Variants in SORCS2 observed in about 807,000 individuals in gnomAD.
SORCS2 encodes the protein VPS10 domain-containing receptor SorCS2.
A neutral mutation model predicts 141.6 loss-of-function variants in SORCS2; 100 were observed. That is an observed-to-expected ratio of 0.71 (90% CI 0.60 to 0.83). SORCS2 has a LOEUF of 0.83. SORCS2 is among the 40% of genes least tolerant of loss of function. The pLI, the probability that SORCS2 is intolerant of heterozygous loss-of-function variation, is 0.00. For missense variants in SORCS2, 1,646 were observed against 1,560.2 expected, an observed-to-expected ratio of 1.05 and a Z score of -0.93; for synonymous variants, 789 against 676.9, an observed-to-expected ratio of 1.17 and a Z score of -2.57.
intron 2 of SORCS2, among the ~76,000 whole-genome samples, chr4:7,400,515 G>A (rs146150461): frequency 7.6e-4 from 116 of 152,162 alleles, no homozygotes; most frequent in African/African-American, 2.7e-3. Flanking sequence ...TTGAGGATGC[G>A]AGGATGGAGA....
At chr4:7,422,740 G>A (rs956749677) in intron 2 of SORCS2, among the ~76,000 whole-genome samples, 7 of 152,040 alleles carry the variant, frequency 4.6e-5, no homozygotes, top group African/African-American at 1.7e-4. Context: ...GCCGTCTCTC[G>A]CCTGGACGCC....
chr4:7,721,432 C>A (rs1019862399), intron 18 of SORCS2, among the ~76,000 whole-genome samples: 5 of 152,256 alleles, frequency 3.3e-5, no homozygotes, highest in African/African-American at 1.2e-4. Context: ...CACCACTGTA[C>A]TCCAGCCTGG....
rs533140452 is a variant in SORCS2 at position 7,705,161 on chromosome 4, G to T, written c.1868+877G>T. 5.3e-5 allele frequency among the ~76,000 whole-genome samples: 8 copies of T among 152,306 alleles called. No homozygotes were observed. In the East Asian group the frequency reaches 1.5e-3, roughly 29 times the overall value. The stretch of plus-strand genomic sequence containing the variant: ...CTTACAAGAGGACACAGAGACACAG[G>T]CCTTGGGGGAGGAGGCCGGGGAGGG... On this transcript the variant is annotated intron_variant, in intron 14 of 26. Coordinates refer to ENST00000507866, the MANE Select transcript of SORCS2 (RefSeq NM_020777.3).
chr4:7,381,496 T>C (rs987143516), intron 1 of SORCS2, among the ~76,000 whole-genome samples: 1 of 152,172 alleles, frequency 6.6e-6, no homozygotes, highest in African/African-American at 2.4e-5. Flanking sequence ...GAAGCCCAGT[T>C]TCCCAAAGGC....
At chr4:7,635,289 C>A (rs950564430) in intron 3 of SORCS2, among the ~76,000 whole-genome samples, 3 of 152,146 alleles carry the variant, frequency 2.0e-5, no homozygotes, top group Non-Finnish European at 4.4e-5. Context: ...TCGGCTCTAT[C>A]CTGACCATCC....
At chr4:7,726,676 A>C in intron 20 of SORCS2, 104 bp from the exon 21 acceptor site, 8 of 1,467,622 alleles carry the variant, frequency 5.5e-6, no homozygotes, top group Non-Finnish European at 7.3e-6. Context: ...TGATGGGAAC[A>C]AGGGGACAGC....
intron 1 of SORCS2, among the ~76,000 whole-genome samples, chr4:7,215,228 A>C (rs1728262307): frequency 6.6e-6 from 1 of 152,120 alleles, no homozygotes; most frequent in Non-Finnish European, 1.5e-5. Flanking sequence ...TCCGAGCAGC[A>C]GGCCGGCCCT....
chr4:7,604,586 G>T (rs575464634), intron 3 of SORCS2, among the ~76,000 whole-genome samples: 1 of 152,142 alleles, frequency 6.6e-6, no homozygotes, highest in Non-Finnish European at 1.5e-5. Flanking sequence ...GGCATGAGCC[G>T]CCGCGCCCGG....
At chr4:7,586,585 T>C (rs1577795743) in intron 3 of SORCS2, among the ~76,000 whole-genome samples, 1 of 152,170 alleles carries the variant, frequency 6.6e-6, no homozygotes. Flanking sequence ...TGGTGTTTGG[T>C]TTTTCTGTTC....
chr4:7,540,681 A>C (rs1048855003), intron 3 of SORCS2, among the ~76,000 whole-genome samples: 3 of 152,152 alleles, frequency 2.0e-5, no homozygotes, highest in African/African-American at 7.2e-5. Flanking sequence ...ACATCTGATG[A>C]AGAGAGTCAT....
chr4:7,601,378 T>A (rs1717654557), intron 3 of SORCS2, among the ~76,000 whole-genome samples: 1 of 152,086 alleles, frequency 6.6e-6, no homozygotes, highest in African/African-American at 2.4e-5. Flanking sequence ...TAAACATTTG[T>A]AGAACTCTTT....
Position 7,416,893 on chromosome 4 carries a change from C to A in SORCS2, c.548+20538C>A, listed in dbSNP as rs1432039140. Among the ~76,000 whole-genome samples the A allele has an allele frequency of 2.0e-5, 3 of 150,354 alleles. No individual in the cohort carries two copies. In the South Asian group the frequency reaches 6.2e-4, roughly 31 times the overall value. On this transcript the variant is annotated intron_variant, in intron 2 of 26. Transcript: ENST00000507866. ...ATGCTCAGACACACACATATGCATGCACACACACGTGTGCAGACACACTGA... is the reference window on the plus strand; with the variant it reads ...ATGCTCAGACACACACATATGCATGAACACACACGTGTGCAGACACACTGA...
chr4:7,284,497 G>A (rs1716083865), intron 1 of SORCS2, among the ~76,000 whole-genome samples: 1 of 152,232 alleles, frequency 6.6e-6, no homozygotes, highest in Non-Finnish European at 1.5e-5. Flanking sequence ...CTTTCTCGCT[G>A]TGCAGACCTC....
chr4:7,675,880 G>A (rs913520142), intron 8 of SORCS2, among the ~76,000 whole-genome samples, 170 bp from the exon 9 acceptor site: 3 of 152,176 alleles, frequency 2.0e-5, no homozygotes, highest in Admixed American at 6.5e-5. Flanking sequence ...GGAGACTTGT[G>A]CAAGGCCACA....
At chr4:7,620,174 T>TA (rs1202022553) in intron 3 of SORCS2, among the ~76,000 whole-genome samples, 1 of 152,172 alleles carries the variant, frequency 6.6e-6, no homozygotes, top group Non-Finnish European at 1.5e-5. Flanking sequence ...AGCAGAATGA[T>TA]ACGGGATTCT....
At chr4:7,281,814 G>C (rs1274819334) in intron 1 of SORCS2, among the ~76,000 whole-genome samples, 1 of 152,144 alleles carries the variant, frequency 6.6e-6, no homozygotes, top group African/African-American at 2.4e-5. Flanking sequence ...GGCCTCTGAA[G>C]TTTCAGTGCC....
At position 7,741,848 on chromosome 4, in the gene SORCS2, A is replaced by AG. The variant is rs3839181; in HGVS notation, c.*1588dup. The AG allele has an allele frequency of 0.27, 41,601 of 152,080 alleles. 6,016 individuals carry two copies. The highest frequency in any genetic ancestry group is 0.36 in the African/African-American group (14,873 of 41,434). 9.4% of individuals were successfully genotyped at this position (152,080 alleles called of 1,614,324 possible). A position where few individuals can be genotyped will look rare whatever the true frequency, so the allele number is the denominator to read the frequency against. On this transcript the variant is annotated 3_prime_UTR_variant, in exon 27 of 27. Transcript: ENST00000507866. Reference sequence around the variant, plus strand: ...CTGGAAAAGAAACATGGTCCATTAGAGGGGAAAGCCCAGGGGTGAATCTTC... The same window carrying AG: ...CTGGAAAAGAAACATGGTCCATTAGAGGGGGAAAGCCCAGGGGTGAATCTTC...
chr4:7,573,831 C>A (rs1384274745), intron 3 of SORCS2, among the ~76,000 whole-genome samples: 2 of 150,558 alleles, frequency 1.3e-5, no homozygotes, highest in Non-Finnish European at 3.0e-5. Context: ...CAGTCCTTAA[C>A]TTCAGGGGCT....
At chr4:7,241,886 T>C (rs539340729) in intron 1 of SORCS2, among the ~76,000 whole-genome samples, 97 of 152,314 alleles carry the variant, frequency 6.4e-4, no homozygotes, top group Admixed American at 2.5e-3. Flanking sequence ...CGCAGGCTGT[T>C]TAGCTGACGG....
Sources: allele counts gnomAD v4.1 joint callset (sites outside exome capture counted in the v4.1 genomes callset), GRCh38; gene constraint gnomAD v4.1.1; transcripts MANE v1.5; gene names NCBI Gene and HGNC (gene_info 2026-07-23, HGNC 2026-07-21).